The following BCAP29 variants were observed in gnomAD, a reference collection of about 807,000 sequenced individuals.
The protein encoded by BCAP29 is B-cell receptor-associated protein 29.
Under a neutral mutation model 31.8 loss-of-function variants are expected in BCAP29, and 34 were observed. The observed-to-expected ratio is 1.07, with a 90% CI of 0.81 to 1.42. The LOEUF (loss-of-function observed/expected upper bound fraction) is 1.42. Among genes scored for constraint, BCAP29 ranks in the 40% most tolerant of loss-of-function variants. The probability of loss-of-function intolerance (pLI) is 0.00; values close to 1 mark genes in which losing one functional copy is unlikely to be tolerated. For synonymous variants in BCAP29, 104 were observed against 91.3 expected (o/e 1.14, Z -0.79); for missense variants, 314 against 269.2 (o/e 1.17, Z -1.16).
At chr7:107,581,825 C>G (rs1165873508) in intron 2 of BCAP29, among the ~76,000 whole-genome samples, 1 of 152,158 alleles carries the variant, frequency 6.6e-6, no homozygotes, top group Non-Finnish European at 1.5e-5. Context: ...CTAAGCTAAG[C>G]TCAGTAAGTT....
intron 6 of BCAP29, among the ~76,000 whole-genome samples, chr7:107,607,718 C>T (rs1332333012): frequency 6.6e-6 from 1 of 150,770 alleles, no homozygotes; most frequent in Non-Finnish European, 1.5e-5. Context: ...CTCACTGCAA[C>T]CTCCGCCCCC....
intron 2 of BCAP29, among the ~76,000 whole-genome samples, chr7:107,581,128 G>A (rs1385868861): frequency 6.6e-6 from 1 of 152,122 alleles, no homozygotes. Context: ...ATAAAGCAAC[G>A]ATTATACTTT....
intron 3 of BCAP29, among the ~76,000 whole-genome samples, chr7:107,584,240 C>G (rs1314159667): frequency 6.6e-6 from 1 of 152,206 alleles, no homozygotes; most frequent in South Asian, 2.1e-4. Flanking sequence ...TATATTAATG[C>G]ATACCTTGCT....
intron 2 of BCAP29, among the ~76,000 whole-genome samples, chr7:107,581,164 G>A (rs1399583758): frequency 1.3e-5 from 2 of 152,098 alleles, no homozygotes; most frequent in African/African-American, 2.4e-5. Flanking sequence ...CTTGTCTCAG[G>A]TTTTACCTTT....
chr7:107,611,423 TG>T (rs2129284805), intron 6 of BCAP29, among the ~76,000 whole-genome samples: 1 of 152,128 alleles, frequency 6.6e-6, no homozygotes, highest in South Asian at 2.1e-4. Flanking sequence ...AAAAATTGGC[TG>T]GGGTGGTAGA....
At chr7:107,596,672 T>C (rs1172277526) in intron 5 of BCAP29, among the ~76,000 whole-genome samples, 1 of 152,234 alleles carries the variant, frequency 6.6e-6, no homozygotes, top group Non-Finnish European at 1.5e-5. Context: ...TAATGATTTG[T>C]AACCATCAGA....
intron 4 of BCAP29, 120 bp downstream of exon 4, chr7:107,594,225 G>A: frequency 1.1e-6 from 1 of 923,416 alleles, no homozygotes; most frequent in Non-Finnish European, 1.6e-6. Flanking sequence ...CTTTCGCTCT[G>A]TTGCCCAGGC....
At chr7:107,617,120 A>G (rs769842539) in intron 7 of BCAP29, among the ~76,000 whole-genome samples, 23 of 152,308 alleles carry the variant, frequency 1.5e-4, no homozygotes, top group Admixed American at 2.6e-4. Context: ...CAGATCCTCT[A>G]TGGTAAAAAG....
chr7:107,593,306 C>T, intron 3 of BCAP29, among the ~76,000 whole-genome samples: 1 of 152,134 alleles, frequency 6.6e-6, no homozygotes, highest in East Asian at 1.9e-4. Context: ...CCCTTATAAG[C>T]TGATATCTAT....
At chr7:107,602,840 G>T (rs1481156975) in intron 6 of BCAP29, among the ~76,000 whole-genome samples, 1 of 151,718 alleles carries the variant, frequency 6.6e-6, no homozygotes, top group Admixed American at 6.6e-5. Context: ...CTTCCGTGCA[G>T]TAATATCACC....
chr7:107,599,011 T>TTA (rs368244284), intron 5 of BCAP29, among the ~76,000 whole-genome samples: 47,729 of 128,774 alleles, frequency 0.37, 11,698 homozygotes, highest in African/African-American at 0.68. Context: ...ATCTACAAAT[T>TTA]TATATATATA....
chr7:107,595,724 TAAAAAA>T (rs1464201315), intron 4 of BCAP29, 137 bp from the exon 5 acceptor site: 1 of 829,032 alleles, frequency 1.2e-6, no homozygotes, highest in Non-Finnish European at 1.8e-6. Flanking sequence ...AGACTTGAAT[TAAAAAA>T]AGAATAATGG....
intron 7 of BCAP29, chr7:107,616,320 C>T (rs1814137389): frequency 6.6e-6 from 1 of 152,326 alleles, no homozygotes; most frequent in African/African-American, 2.4e-5. Flanking sequence ...ACCCTCATCC[C>T]TCCAGCCCAA....
chr7:107,608,668 C>T (rs1812599299), intron 6 of BCAP29, among the ~76,000 whole-genome samples: 1 of 152,102 alleles, frequency 6.6e-6, no homozygotes, highest in South Asian at 2.1e-4. Flanking sequence ...ATATTTGTAA[C>T]ATGAGTATAT....
downstream of BCAP29, chr7:107,621,652 A>G (rs1469902131): frequency 4.3e-6 from 2 of 469,008 alleles, no homozygotes; most frequent in African/African-American, 2.0e-5. Context: ...ATATTACCAC[A>G]CAGAAGAGGA....
At chr7:107,587,586 T>A (rs1807933502) in intron 3 of BCAP29, 1 of 152,096 alleles carries the variant, frequency 6.6e-6, no homozygotes, top group Non-Finnish European at 1.5e-5. Flanking sequence ...ACTATATTAT[T>A]GAGGCAATCT....
At chr7:107,597,601 G>T (rs1009006292) in intron 5 of BCAP29, among the ~76,000 whole-genome samples, 1 of 152,188 alleles carries the variant, frequency 6.6e-6, no homozygotes, top group African/African-American at 2.4e-5. Context: ...AAAGTCCCTT[G>T]AGTTTGGTAT....
chr7:107,584,087 A>G (rs1807185754), intron 3 of BCAP29, 105 bp downstream of exon 3: 1 of 591,442 alleles, frequency 1.7e-6, no homozygotes, highest in South Asian at 3.3e-5. Flanking sequence ...GACTTTATAT[A>G]GTATATTGAT....
chr7:107,606,604 A>G (rs1274632077), intron 6 of BCAP29, among the ~76,000 whole-genome samples: 1 of 152,216 alleles, frequency 6.6e-6, no homozygotes. Flanking sequence ...GCTATGTGAA[A>G]TGGGGCCACA....
Sources: allele counts gnomAD v4.1 joint callset (sites outside exome capture counted in the v4.1 genomes callset), GRCh38; gene constraint gnomAD v4.1.1; transcripts MANE v1.5; gene names NCBI Gene and HGNC (gene_info 2026-07-23, HGNC 2026-07-21).